CYP4F11: variants seen among roughly 807,000 people sequenced by gnomAD.
The protein encoded by CYP4F11 is cytochrome P450 4F11.
A neutral mutation model predicts 62.2 loss-of-function variants in CYP4F11; 79 were observed. The ratio of observed to expected loss-of-function variants is 1.27; its 90% CI spans 1.06 to 1.53. The LOEUF (loss-of-function observed/expected upper bound fraction) is 1.53. Among genes scored for constraint, CYP4F11 ranks in the 40% most tolerant of loss-of-function variants. The pLI is 0.00. For missense variants in CYP4F11, 777 were observed against 680.5 expected (o/e 1.14, Z -1.58); for synonymous variants, 290 against 263.7 (o/e 1.10, Z -0.97).
chr19:15,921,096 CTCTCTCT>C (rs1482903717), intron 8 of CYP4F11, among the ~76,000 whole-genome samples: 3 of 147,834 alleles, frequency 2.0e-5, no homozygotes, highest in African/African-American at 5.0e-5. Flanking sequence ...CTCTCTCTCT[CTCTCTCT>C]CCCTCTCTCT....
At chr19:15,914,706 G>T (rs2089568978) in intron 9 of CYP4F11, 40 bp from the exon 10 acceptor site, 4 of 1,613,914 alleles carry the variant, frequency 2.5e-6, no homozygotes, top group African/African-American at 2.7e-5. Flanking sequence ...AGGCCCCCCT[G>T]CCTGAGGGAC....
rs1270880784 is a variant in CYP4F11 at position 15,914,398 on chromosome 19, G to T, written c.1315-11C>A. Reference sequence around the variant, plus strand: ...GAAGGGGTCGTAGACCTGCAGGTGAGACCAAGAAGGCTTGCTGGGTGGGGT... The same window carrying T: ...GAAGGGGTCGTAGACCTGCAGGTGATACCAAGAAGGCTTGCTGGGTGGGGT... On this transcript the variant is annotated splice_polypyrimidine_tract_variant and intron_variant, in intron 10 of 11. Transcript: ENST00000402119. The T allele has an allele frequency of 1.2e-6, 2 of 1,612,068 alleles. No individual in the cohort carries two copies. Among genetic ancestry groups the T allele is most frequent in the South Asian group, 2.2e-5 (2 of 90,924 alleles).
rs2145032372 is a variant in CYP4F11, at chr19:15,912,783, A to ATGTGTGTGTGTGTGTG, written c.*948_*949insCACACACACACACACA. ...TGTGTGTGTGTGTGTATATATATAT[A>ATGTGTGTGTGTGTGTG]TATATAATATATATATATATATACA... On this transcript the variant is annotated 3_prime_UTR_variant, in exon 12 of 12. Coordinates refer to ENST00000402119, the MANE Select transcript of CYP4F11 (RefSeq NM_021187.4). The ATGTGTGTGTGTGTGTG allele has an allele frequency of 3.6e-5, 1 of 27,844 alleles. No individual in the cohort carries two copies. The highest frequency in any genetic ancestry group is 1.1e-3 in the South Asian group (1 of 914). 1.7% of individuals were successfully genotyped at this position (27,844 alleles called of 1,614,324 possible).
At chr19:15,914,562 G>A in intron 10 of CYP4F11, 40 bp downstream of exon 10, 1 of 1,611,292 alleles carries the variant, frequency 6.2e-7, no homozygotes, top group Non-Finnish European at 8.5e-7. Context: ...TAGGAACCTT[G>A]GAATGGACTC....
chr19:15,930,001 T>C (rs925664200), intron 1 of CYP4F11, among the ~76,000 whole-genome samples: 2 of 152,174 alleles, frequency 1.3e-5, no homozygotes, highest in African/African-American at 4.8e-5. Flanking sequence ...ATCATGGGAC[T>C]TCTTGTCCTC....
chr19:15,923,700 C>G, intron 6 of CYP4F11, 112 bp downstream of exon 6: 1 of 1,429,300 alleles, frequency 7.0e-7, no homozygotes, highest in Admixed American at 2.2e-5. Context: ...CTGTCTTTTT[C>G]AAGCATGTTC....
intron 3 of CYP4F11, 43 bp downstream of exon 3, chr19:15,927,387 T>C (rs1394676279): frequency 1.2e-6 from 2 of 1,613,782 alleles, no homozygotes. Flanking sequence ...CCCTCCCTTA[T>C]CCCTAAAGGA....
chr19:15,919,477 T>C (rs889995371), intron 8 of CYP4F11, among the ~76,000 whole-genome samples: 3 of 98,512 alleles, frequency 3.0e-5, no homozygotes, highest in African/African-American at 7.4e-5. Flanking sequence ...GATGTATAGA[T>C]AGATAGATAG....
At position 15,934,449 on chromosome 19, in the gene CYP4F11, C is replaced by G. The variant is rs752281961; in HGVS notation, c.-41G>C. 7.5e-6 allele frequency: 12 copies of G among 1,605,460 alleles called. No individual in the cohort carries two copies. In the East Asian group the frequency reaches 2.7e-4, roughly 36 times the overall value. The stretch of plus-strand genomic sequence containing the variant: ...GGATGGAGGGTGGGATCCTGAGGCC[C>G]AGGGAAGGGCCCAGGAAGCTCCAAG... On this transcript the variant is annotated 5_prime_UTR_variant, in exon 1 of 12. Transcript: ENST00000402119.
At chr19:15,927,146 A>G in intron 4 of CYP4F11, 66 bp downstream of exon 4, 1 of 1,562,992 alleles carries the variant, frequency 6.4e-7, no homozygotes, top group Non-Finnish European at 8.7e-7. Context: ...AAAATTCCAG[A>G]GCAGATATGC....
At chr19:15,922,290 C>G (rs2089635385) in intron 7 of CYP4F11, 74 bp downstream of exon 7, 1 of 1,607,342 alleles carries the variant, frequency 6.2e-7, no homozygotes, top group African/African-American at 1.3e-5. Flanking sequence ...ATTAAGTGAT[C>G]CAGGGTCCAC....
chr19:15,923,395 T>C (rs1188029364), intron 6 of CYP4F11, among the ~76,000 whole-genome samples: 1 of 152,106 alleles, frequency 6.6e-6, no homozygotes, highest in Non-Finnish European at 1.5e-5. Flanking sequence ...CATTCTGGTG[T>C]ATTTACAGGT....
In CYP4F11 at chr19:15,912,639, A is replaced by C. The variant is rs2089538743; in HGVS notation, c.*1093T>G. ...GTTTCTCTCATTCTCCTACCACCTC[A>C]CACAGTCAGGTACCTTCACCATCCT... is the stretch of plus-strand genomic sequence containing the variant. On this transcript the variant is annotated 3_prime_UTR_variant, in exon 12 of 12. Transcript: ENST00000402119. The C allele has an allele frequency of 7.0e-6, 1 of 141,892 alleles. No individual in the cohort carries two copies. The allele number at this position is 141,892 out of a possible 1,614,324, so 8.8% of individuals were successfully genotyped here.
upstream of CYP4F11, chr19:15,934,609 C>G: frequency 1.7e-6 from 1 of 591,928 alleles, no homozygotes; most frequent in Non-Finnish European, 2.8e-6. Flanking sequence ...TCCAGTTACA[C>G]AGAAAGGGAA....
chr19:15,924,982 G>C, intron 4 of CYP4F11, 100 bp from the exon 5 acceptor site: 2 of 1,358,296 alleles, frequency 1.5e-6, no homozygotes, highest in East Asian at 2.8e-5. Context: ...CATCCTCCTG[G>C]TCCTCTGCCC....
chr19:15,931,310 C>G (rs2089713974), intron 1 of CYP4F11, among the ~76,000 whole-genome samples: 1 of 151,770 alleles, frequency 6.6e-6, no homozygotes, highest in African/African-American at 2.4e-5. Context: ...GCAAATGGGC[C>G]AGGCAGGGAG....
rs2089555154 is a variant in CYP4F11 at position 15,913,655 on chromosome 19, T to C, written c.*77A>G. 2 of 1,567,542 alleles carry C rather than the reference T, an allele frequency of 1.3e-6. No homozygotes were observed. The highest frequency in any genetic ancestry group is 2.7e-5 in the African/African-American group (2 of 74,238). On this transcript the variant is annotated 3_prime_UTR_variant, in exon 12 of 12. Coordinates refer to ENST00000402119, the MANE Select transcript of CYP4F11 (RefSeq NM_021187.4). ...GTCCCCAGGAGCCCCATGCTGGCTG[T>C]CAACGAGGCTCAAGCAGAGGTGTCA...
Position 15,934,290 on chromosome 19 carries a change from G to T in CYP4F11, c.119C>A (p.Thr40Asn). The T allele has an allele frequency of 1.2e-6, 2 of 1,613,864 alleles. No individual in the cohort carries two copies. Among genetic ancestry groups the T allele is most frequent in the Non-Finnish European group, 1.7e-6 (2 of 1,179,846 alleles). ...GAGGCGGCGGCAGTTGTCATAGAAG[G>T]TGTAGGTCCAGGCCAGGACGCGGGC... is the stretch of plus-strand genomic sequence containing the variant. The part of the protein sequence containing the change: ...LLARVLAWTY[T>N]FYDNCRRLQC... The change falls in exon 1 of 12, where the codon ACC (threonine) becomes AAC (asparagine). Residue 40 changes from threonine to asparagine, a missense_variant. Physicochemically the swap from Thr to Asn is moderately conservative, Grantham distance 65. Coordinates refer to ENST00000402119, the MANE Select transcript of CYP4F11 (RefSeq NM_021187.4).
At chr19:15,928,644 C>G (rs908087101) in intron 2 of CYP4F11, among the ~76,000 whole-genome samples, 5 of 152,182 alleles carry the variant, frequency 3.3e-5, no homozygotes, top group Admixed American at 2.6e-4. Context: ...AGCTGAGGAC[C>G]TGCCCAGAGT....
Sources: allele counts gnomAD v4.1 joint callset (sites outside exome capture counted in the v4.1 genomes callset), GRCh38; gene constraint gnomAD v4.1.1; transcripts MANE v1.5; gene names NCBI Gene and HGNC (gene_info 2026-07-23, HGNC 2026-07-21).